The following TMEM8B variants were observed in gnomAD, a reference collection of about 807,000 sequenced individuals.
The protein encoded by TMEM8B is transmembrane protein 8B.
A neutral mutation model predicts 49.3 loss-of-function variants in TMEM8B; 29 were observed. The observed-to-expected ratio is 0.59, with a 90% CI of 0.44 to 0.80. The LOEUF is 0.80. TMEM8B is among the 30% of genes least tolerant of loss of function. The pLI, the probability that TMEM8B is intolerant of heterozygous loss-of-function variation, is 0.00. For missense variants in TMEM8B, 575 were observed against 658.5 expected, an observed-to-expected ratio of 0.87 and a Z score of 1.39; for synonymous variants, 264 against 272.8, an observed-to-expected ratio of 0.97 and a Z score of 0.32.
At chr9:35,843,231 AT>A (rs1177180765) in intron 6 of TMEM8B, among the ~76,000 whole-genome samples, 2 of 152,056 alleles carry the variant, frequency 1.3e-5, no homozygotes, top group African/African-American at 4.8e-5. Context: ...AACAGACTTA[AT>A]TTTTTTTAGA....
At chr9:35,846,762 G>A (rs571902889) in intron 9 of TMEM8B, 55 bp from the exon 10 acceptor site, 3 of 1,567,188 alleles carry the variant, frequency 1.9e-6, no homozygotes, top group Non-Finnish European at 1.7e-6. Context: ...AAGCTGTGGC[G>A]TAGGCCCATA....
At position 35,853,042 on chromosome 9, in the gene TMEM8B, C is replaced by T. The variant is rs1253099408; in HGVS notation, c.2322+69C>T. The stretch of plus-strand genomic sequence containing the variant: ...CCTTGAAATCCACTCCTGACCTCTC[C>T]CTGGGGGCATTTCCAAGTGCCTCTC... On this transcript the variant is annotated intron_variant, in intron 11 of 12. Transcript: ENST00000643932. The surrounding 1 kb of genome is among the most constrained non-coding windows in gnomAD (Gnocchi z 4.2). 4 of 1,610,784 alleles carry T rather than the reference C, an allele frequency of 2.5e-6. No homozygotes were observed. The highest frequency in any genetic ancestry group is 3.4e-6 in the Non-Finnish European group (4 of 1,177,622).
Position 35,858,322 on chromosome 9 carries a change from C to T in TMEM8B, c.*4482C>T, listed in dbSNP as rs973782352. ...CCCGGGCTGGTCTCGAACTCCTGGC[C>T]TCAGGTGATCCTCCCACCTCGGTCT... On this transcript the variant is annotated 3_prime_UTR_variant, in exon 13 of 13. Coordinates refer to ENST00000643932, the MANE Select transcript of TMEM8B (RefSeq NM_001042590.4). 1.3e-5 allele frequency: 2 copies of T among 152,054 alleles called. No individual in the cohort carries two copies. Among genetic ancestry groups the T allele is most frequent in the African/African-American group, 4.8e-5 (2 of 41,354 alleles). 9.4% of individuals were successfully genotyped at this position (152,054 alleles called of 1,614,324 possible).
chr9:35,844,313 G>GTCATTACTGTCAGCGTTAAGA (rs1247297496), intron 6 of TMEM8B, among the ~76,000 whole-genome samples: 3 of 152,212 alleles, frequency 2.0e-5, no homozygotes, highest in African/African-American at 7.2e-5. Context: ...GTACTTCTTA[G>GTCATTACTGTCAGCGTTAAGA]TCATTACTGT....
chr9:35,842,435 T>G lies in TMEM8B; in HGVS notation c.1353T>G (p.Ala451=). The change falls in exon 6 of 13, where the codon GCT becomes GCG. Residue 451 remains alanine (A), a synonymous_variant. Coordinates refer to ENST00000643932, the MANE Select transcript of TMEM8B (RefSeq NM_001042590.4). The surrounding 1 kb of genome is among the most constrained non-coding windows in gnomAD (Gnocchi z 5.6). ...PGLLRALVPG[A]AMNMPQSLGN... ...TGCTCCGAGCCCTGGTCCCTGGAGC[T>G]GCCATGAACATGCCCCAGTCCCTGG... is the stretch of plus-strand genomic sequence containing the variant. The G allele has an allele frequency of 6.4e-7, 1 of 1,554,130 alleles. No homozygotes were observed. Among genetic ancestry groups the G allele is most frequent in the Non-Finnish European group, 8.7e-7 (1 of 1,146,962 alleles).
At position 35,853,034 on chromosome 9, in the gene TMEM8B, G is replaced by C; in HGVS notation, c.2322+61G>C. 6.2e-7 allele frequency: 1 copy of C among 1,612,190 alleles called. No individual in the cohort carries two copies. Reference sequence around the variant, plus strand: ...CCAAGTCTCCTTGAAATCCACTCCTGACCTCTCCCTGGGGGCATTTCCAAG... The same window carrying C: ...CCAAGTCTCCTTGAAATCCACTCCTCACCTCTCCCTGGGGGCATTTCCAAG... On this transcript the variant is annotated intron_variant, in intron 11 of 12. Transcript: ENST00000643932. This position sits in a 1 kb window ranked among gnomAD's most constrained non-coding sequence, Gnocchi z 4.2.
chr9:35,846,198 T>G, intron 7 of TMEM8B, 60 bp from the exon 8 acceptor site: 1 of 1,608,382 alleles, frequency 6.2e-7, no homozygotes. Context: ...AGCAGGTGGG[T>G]GAGGGTTCTT....
At position 35,842,432 on chromosome 9, in the gene TMEM8B, A is replaced by T; in HGVS notation, c.1350A>T (p.Gly450=). 1.3e-6 allele frequency: 2 copies of T among 1,552,852 alleles called. No individual in the cohort carries two copies. The highest frequency in any genetic ancestry group is 1.7e-6 in the Non-Finnish European group (2 of 1,146,454). Residue 450 remains glycine, a synonymous_variant, in exon 6 of 13, where the codon GGA becomes GGT. Transcript: ENST00000643932. This position sits in a 1 kb window ranked among gnomAD's most constrained non-coding sequence, Gnocchi z 5.6. Reference sequence around the variant, plus strand: ...GCCTGCTCCGAGCCCTGGTCCCTGGAGCTGCCATGAACATGCCCCAGTCCC... The same window carrying T: ...GCCTGCTCCGAGCCCTGGTCCCTGGTGCTGCCATGAACATGCCCCAGTCCC... The part of the protein sequence containing the change: ...QPGLLRALVP[G]AAMNMPQSLG...
intron 6 of TMEM8B, chr9:35,845,494 C>T (rs1831432169): frequency 1.0e-6 from 1 of 985,420 alleles, no homozygotes; most frequent in Non-Finnish European, 1.2e-6. Context: ...ATCTCTTGGG[C>T]ATTCTGTTAC....
rs1485491475 is a variant in TMEM8B, at chr9:35,842,298, C to T, written c.1310-94C>T. 1 of 994,522 alleles carries T rather than the reference C, an allele frequency of 1.0e-6. No homozygotes were observed. Among genetic ancestry groups the T allele is most frequent in the Non-Finnish European group, 1.4e-6 (1 of 704,586 alleles). The allele number at this position is 994,522 out of a possible 1,614,324, so 61.6% of individuals were successfully genotyped here. ...ATTCTAGTTCTCATCCTTCCCCACT[C>T]TTTGCGAAATCCTGTCTAGCTCAGA... is the stretch of plus-strand genomic sequence containing the variant. On this transcript the variant is annotated intron_variant, in intron 5 of 12. Transcript: ENST00000643932. This position sits in a 1 kb window ranked among gnomAD's most constrained non-coding sequence, Gnocchi z 5.6.
Position 35,846,972 on chromosome 9 carries a change from A to T in TMEM8B, c.2152A>T (p.Thr718Ser). 2 of 1,614,128 alleles carry T rather than the reference A, an allele frequency of 1.2e-6. No homozygotes were observed. Among genetic ancestry groups the T allele is most frequent in the Non-Finnish European group, 1.7e-6 (2 of 1,180,022 alleles). The change falls in exon 10 of 13, where the codon ACC becomes TCC. Residue 718 changes from threonine to serine, a missense_variant. Thr to Ser is a moderately conservative substitution (Grantham distance 58). Transcript: ENST00000643932. The part of the protein sequence containing the change: ...SRYVLEAAVY[T>S]FTMFFSTFYH... ...ATATGTGCTGGAAGCTGCAGTCTAC[A>T]CCTTCACCATGTTCTTCTCCACGGT...
chr9:35,858,011 G>A lies in TMEM8B; in HGVS notation c.*4171G>A, dbSNP rs986482545. ...GCACAGTGGAAGGAGGTGACCTGGT[G>A]GGGACTGGACAGGCTGTGCTAATGG... is the stretch of plus-strand genomic sequence containing the variant. On this transcript the variant is annotated 3_prime_UTR_variant, in exon 13 of 13. Coordinates refer to ENST00000643932, the MANE Select transcript of TMEM8B (RefSeq NM_001042590.4). 1 of 152,408 alleles carries A rather than the reference G, an allele frequency of 6.6e-6. No homozygotes were observed. Among genetic ancestry groups the A allele is most frequent in the African/African-American group, 2.4e-5 (1 of 41,432 alleles). The allele number at this position is 152,408 out of a possible 1,614,324, so 9.4% of individuals were successfully genotyped here.
At chr9:35,835,630 C>T (rs1006447010) in intron 3 of TMEM8B, among the ~76,000 whole-genome samples, 4 of 152,230 alleles carry the variant, frequency 2.6e-5, no homozygotes, top group Non-Finnish European at 5.9e-5. Context: ...CCTGAAGACT[C>T]TCTTAGGCCA....
Position 35,846,449 on chromosome 9 carries a change from G to T in TMEM8B, c.1854-20G>T, listed in dbSNP as rs781349000. ...GCGGGGGTGGCCCGGGGCCCCAGGT[G>T]ACTGCGAGTTTGTGCGCAGGTTCGT... On this transcript the variant is annotated intron_variant, in intron 8 of 12. Coordinates refer to ENST00000643932, the MANE Select transcript of TMEM8B (RefSeq NM_001042590.4). The T allele has an allele frequency of 1.0e-5, 16 of 1,597,132 alleles. No homozygotes were observed. Among genetic ancestry groups the T allele is most frequent in the Non-Finnish European group, 1.3e-5 (15 of 1,171,168 alleles).
At position 35,854,023 on chromosome 9, in the gene TMEM8B, C is replaced by T. The variant is rs1339669972; in HGVS notation, c.*183C>T. ...AGGACATGGAGAACTTCCTGAGGGC[C>T]TGGAGTCCCCCTGCATCATGGAGTC... On this transcript the variant is annotated 3_prime_UTR_variant, in exon 13 of 13. Transcript: ENST00000643932. 4.5e-6 allele frequency: 6 copies of T among 1,333,086 alleles called. No individual in the cohort carries two copies. The highest frequency in any genetic ancestry group is 5.7e-6 in the Non-Finnish European group (6 of 1,047,650). The allele number at this position is 1,333,086 out of a possible 1,614,324, so 82.6% of individuals were successfully genotyped here.
rs1265994477 is a variant in TMEM8B at position 35,864,364 on chromosome 9, G to A, written c.*10524G>A. Reference sequence around the variant, plus strand: ...AAATTATTTTAAAAGAAAAGATAGGGGCATAACAAGAAGAAAGCTTCGGTT... The same window carrying A: ...AAATTATTTTAAAAGAAAAGATAGGAGCATAACAAGAAGAAAGCTTCGGTT... On this transcript the variant is annotated 3_prime_UTR_variant, in exon 13 of 13. Transcript: ENST00000643932. 6.6e-6 allele frequency: 1 copy of A among 152,098 alleles called. No individual in the cohort carries two copies. Among genetic ancestry groups the A allele is most frequent in the Non-Finnish European group, 1.5e-5 (1 of 68,030 alleles). The allele number at this position is 152,098 out of a possible 1,614,324, so 9.4% of individuals were successfully genotyped here.
rs1832485227 is a variant in TMEM8B at position 35,855,382 on chromosome 9, A to G, written c.*1542A>G. The G allele has an allele frequency of 6.6e-6, 1 of 151,534 alleles. No homozygotes were observed. The highest frequency in any genetic ancestry group is 1.5e-5 in the Non-Finnish European group (1 of 68,024). 9.4% of individuals were successfully genotyped at this position (151,534 alleles called of 1,614,324 possible). On this transcript the variant is annotated 3_prime_UTR_variant, in exon 13 of 13. Coordinates refer to ENST00000643932, the MANE Select transcript of TMEM8B (RefSeq NM_001042590.4). ...TATTGGAGGTGAGGAAGCCTTACTTAATGTTTTCTCCTGAATCTTTTTTTT... is the reference window on the plus strand; with the variant it reads ...TATTGGAGGTGAGGAAGCCTTACTTGATGTTTTCTCCTGAATCTTTTTTTT...
In TMEM8B at chr9:35,860,448, A is replaced by C. The variant is rs144952601; in HGVS notation, c.*6608A>C. ...AGGTATCAGGTGCTGGGGCTATAGC[A>C]GTAAGGAAAGTAAGTGGACAAAAGG... On this transcript the variant is annotated 3_prime_UTR_variant, in exon 13 of 13. Coordinates refer to ENST00000643932, the MANE Select transcript of TMEM8B (RefSeq NM_001042590.4). The C allele has an allele frequency of 1.3e-5, 2 of 152,226 alleles. No individual in the cohort carries two copies. Among genetic ancestry groups the C allele is most frequent in the Non-Finnish European group, 2.9e-5 (2 of 68,044 alleles). The allele number at this position is 152,226 out of a possible 1,614,324, so 9.4% of individuals were successfully genotyped here. A position where few individuals can be genotyped will look rare whatever the true frequency, so the allele number is the denominator to read the frequency against.
chr9:35,853,567 C>G lies in TMEM8B; in HGVS notation c.2502C>G (p.Tyr834Ter). ...YPPTWRRWLF[Y>*]LCPGSLIAGS... ...CCACGTGGCGCCGCTGGCTTTTCTA[C>G]TTGTGCCCTGGCAGCCTTATTGCAG... Residue 834 changes from tyrosine to a stop codon, truncating the protein, a stop_gained, in exon 13 of 13, where the codon TAC becomes TAG. Coordinates refer to ENST00000643932, the MANE Select transcript of TMEM8B (RefSeq NM_001042590.4). LOFTEE classifies it high-confidence loss of function. This position sits in a 1 kb window ranked among gnomAD's most constrained non-coding sequence, Gnocchi z 4.2. 6.2e-7 allele frequency: 1 copy of G among 1,614,256 alleles called. No individual in the cohort carries two copies. Among genetic ancestry groups the G allele is most frequent in the East Asian group, 2.2e-5 (1 of 44,888 alleles).
Sources: allele counts gnomAD v4.1 joint callset (sites outside exome capture counted in the v4.1 genomes callset), GRCh38; gene constraint gnomAD v4.1.1; non-coding constraint Gnocchi (gnomAD v3.1); transcripts MANE v1.5; gene names NCBI Gene and HGNC (gene_info 2026-07-23, HGNC 2026-07-21).